FRMPD1: variants seen among roughly 807,000 people sequenced by gnomAD.
FRMPD1 encodes the protein FERM and PDZ domain containing 1.
A neutral mutation model predicts 117.8 loss-of-function variants in FRMPD1; 76 were observed. The ratio of observed to expected loss-of-function variants is 0.65; its 90% CI spans 0.54 to 0.78. The LOEUF is 0.78. Ranked by LOEUF, FRMPD1 falls within the 30% of genes least tolerant of loss-of-function variation. FRMPD1 has a pLI of 0.00. For missense variants in FRMPD1, 1,786 were observed against 1,964.5 expected (o/e 0.91, Z 1.72); for synonymous variants, 783 against 770.4 (o/e 1.02, Z -0.27).
chr9:37,618,455 C>T, the FRMPD1 span, among the ~76,000 whole-genome samples: 4 of 152,210 alleles, frequency 2.6e-5, no homozygotes. Flanking sequence ...CGATTGGTCT[C>T]CTTGTCTCTT....
chr9:37,669,176 A>G (rs556013308), intron 1 of FRMPD1, among the ~76,000 whole-genome samples: 42 of 152,268 alleles, frequency 2.8e-4, no homozygotes, highest in African/African-American at 6.3e-4. Context: ...TGAGAAGGGG[A>G]AAAAAATCAC....
chr9:37,746,492 A>AG lies in FRMPD1; in HGVS notation c.4465dup (p.Ala1489GlyfsTer4). 2 of 1,613,624 alleles carry AG rather than the reference A, an allele frequency of 1.2e-6. No homozygotes were observed. Among genetic ancestry groups the AG allele is most frequent in the Non-Finnish European group, 1.7e-6 (2 of 1,180,012 alleles). ...ATGGACCAGTCCCCCGAAGAGATGC[A>AG]GGGGGCCGTGCGTGACACCTTCCAG... On this transcript the variant is annotated frameshift_variant, in exon 16 of 16. Transcript: ENST00000377765. LOFTEE classifies it high-confidence loss of function.
At chr9:37,660,082 C>T (rs910602637) in intron 1 of FRMPD1, among the ~76,000 whole-genome samples, 8 of 151,840 alleles carry the variant, frequency 5.3e-5, no homozygotes, top group African/African-American at 9.7e-5. Context: ...GATTCCTGTC[C>T]GACGGCATCC....
At chr9:37,655,691 G>A (rs1385101042) in intron 1 of FRMPD1, among the ~76,000 whole-genome samples, 6 of 151,696 alleles carry the variant, frequency 4.0e-5, no homozygotes, top group African/African-American at 1.5e-4. Flanking sequence ...TTTTCGTAGA[G>A]ACGGGGTTTC....
the FRMPD1 span, among the ~76,000 whole-genome samples, chr9:37,638,492 C>A: frequency 6.6e-6 from 1 of 152,170 alleles, no homozygotes; most frequent in Non-Finnish European, 1.5e-5. Context: ...TAAAACTCTG[C>A]CCACAGATTT....
At chr9:37,614,327 A>C in the FRMPD1 span, among the ~76,000 whole-genome samples, 2 of 152,244 alleles carry the variant, frequency 1.3e-5, no homozygotes, top group Non-Finnish European at 2.9e-5. Context: ...ATAGGGAAGA[A>C]ATGGGAAATA....
intron 1 of FRMPD1, among the ~76,000 whole-genome samples, chr9:37,671,028 T>C (rs142477020): frequency 7.2e-5 from 11 of 152,364 alleles, no homozygotes; most frequent in African/African-American, 2.4e-4. Context: ...AACTTCTTTC[T>C]TCCTTCTTTT....
chr9:37,693,217 G>C (rs543522044), intron 2 of FRMPD1: 1 of 155,566 alleles, frequency 6.4e-6, no homozygotes, highest in East Asian at 1.9e-4. Context: ...GTGTCTTTCT[G>C]TGTCTTCGTT....
intron 1 of FRMPD1, among the ~76,000 whole-genome samples, chr9:37,686,471 T>C (rs1391364259): frequency 2.0e-5 from 3 of 152,234 alleles, no homozygotes; most frequent in African/African-American, 7.2e-5. Flanking sequence ...TTCCTTCCAT[T>C]AGCCCAGCAA....
chr9:37,615,665 G>A, the FRMPD1 span, among the ~76,000 whole-genome samples: 14,446 of 151,896 alleles, frequency 0.095, 864 homozygotes, highest in Middle Eastern at 0.15. Context: ...TTACAGCCTC[G>A]AGATTTTAGG....
At chr9:37,711,510 A>T in intron 5 of FRMPD1, 115 bp downstream of exon 5, 1 of 804,920 alleles carries the variant, frequency 1.2e-6, no homozygotes, top group East Asian at 2.5e-5. Flanking sequence ...GTGGAGGGTG[A>T]CAGCTGCCCG....
At chr9:37,610,560 T>C in the FRMPD1 span, among the ~76,000 whole-genome samples, 1 of 152,086 alleles carries the variant, frequency 6.6e-6, no homozygotes, top group Non-Finnish European at 1.5e-5. Context: ...ATGTTAGAGA[T>C]TGTGTTATAT....
chr9:37,687,726 C>T (rs530454872), intron 1 of FRMPD1, among the ~76,000 whole-genome samples: 17 of 152,044 alleles, frequency 1.1e-4, no homozygotes, highest in Admixed American at 6.5e-4. Context: ...TACAAATTGG[C>T]GACAAGAAGG....
Position 37,744,829 on chromosome 9 carries a change from GT to G in FRMPD1, c.2798del (p.Val933AlafsTer74), listed in dbSNP as rs1259935614. The G allele has an allele frequency of 6.2e-7, 1 of 1,614,152 alleles. No homozygotes were observed. Among genetic ancestry groups the G allele is most frequent in the East Asian group, 2.2e-5 (1 of 44,886 alleles). On this transcript the variant is annotated frameshift_variant, in exon 16 of 16. Coordinates refer to ENST00000377765, the MANE Select transcript of FRMPD1 (RefSeq NM_014907.3). LOFTEE classifies it low-confidence loss of function (END_TRUNC). Reference sequence around the variant, plus strand: ...GCCCGAGACCATGGAAACCAAATCAGTCATCGACTCTCGAGTGTCTTCTATT... The same window carrying G: ...GCCCGAGACCATGGAAACCAAATCAGCATCGACTCTCGAGTGTCTTCTATT... ...MEPETMETKSVIDSRVSSISA... is the reference protein window; with the variant it reads ...MEPETMETKSXIDSRVSSISA...
the FRMPD1 span, chr9:37,636,896 T>C: frequency 6.2e-7 from 1 of 1,609,174 alleles, no homozygotes; most frequent in Non-Finnish European, 8.5e-7. Flanking sequence ...GGCTGTGGTG[T>C]TGTCCACCAC....
At chr9:37,623,090 G>T in the FRMPD1 span, among the ~76,000 whole-genome samples, 3 of 152,204 alleles carry the variant, frequency 2.0e-5, no homozygotes, top group African/African-American at 7.2e-5. Flanking sequence ...TTATCCTGCT[G>T]TTCAGTAGAT....
At chr9:37,655,153 G>A (rs781134624) in intron 1 of FRMPD1, among the ~76,000 whole-genome samples, 32 of 152,116 alleles carry the variant, frequency 2.1e-4, no homozygotes, top group Non-Finnish European at 4.1e-4. Context: ...CTACAGCAGG[G>A]GAGGCTAATT....
chr9:37,613,544 G>A, the FRMPD1 span, among the ~76,000 whole-genome samples: 1 of 152,150 alleles, frequency 6.6e-6, no homozygotes, highest in Non-Finnish European at 1.5e-5. Flanking sequence ...AGTCTGCCTG[G>A]AGCTCGAAAA....
intron 1 of FRMPD1, among the ~76,000 whole-genome samples, chr9:37,671,680 T>C (rs945761766): frequency 7.2e-5 from 11 of 152,098 alleles, no homozygotes; most frequent in South Asian, 4.1e-4. Flanking sequence ...TGAAAACTAA[T>C]TGGGGGCTGG....
Sources: gnomAD v4.1 joint callset for allele counts (sites outside exome capture counted in the v4.1 genomes callset) on GRCh38, gnomAD v4.1.1 for gene constraint, MANE v1.5 for transcripts, NCBI Gene and HGNC (gene_info 2026-07-23, HGNC 2026-07-21) for gene names.